SPAG17: variants seen among roughly 807,000 people sequenced by gnomAD.
SPAG17 encodes sperm associated antigen 17, also known as sperm-associated antigen 17.
A neutral mutation model predicts 273.6 loss-of-function variants in SPAG17; 169 were observed. The observed-to-expected ratio is 0.62, with a 90% CI of 0.55 to 0.70. The LOEUF is 0.70. Ranked by LOEUF, SPAG17 falls within the 30% of genes least tolerant of loss-of-function variation. SPAG17 has a pLI of 0.00. For synonymous variants in SPAG17, 825 were observed against 873.2 expected, an observed-to-expected ratio of 0.94 and a Z score of 0.97; for missense variants, 2,557 against 2,627.8, an observed-to-expected ratio of 0.97 and a Z score of 0.59.
intron 48 of SPAG17, 54 bp from the exon 49 acceptor site, chr1:117,954,103 A>G (rs1165671763): frequency 6.2e-7 from 1 of 1,610,010 alleles, no homozygotes; most frequent in Non-Finnish European, 8.5e-7. Flanking sequence ...GAAAGAGGTA[A>G]TAAGAGAGTA....
intron 7 of SPAG17, among the ~76,000 whole-genome samples, chr1:118,097,122 C>G (rs1655759145): frequency 2.6e-5 from 4 of 151,774 alleles, no homozygotes; most frequent in African/African-American, 9.7e-5. Context: ...GTAGTCCCAG[C>G]TACATGGGAG....
rs1201694108 is a variant in SPAG17 at position 118,013,818 on chromosome 1, C to G, written c.4288-1446G>C. 2.0e-5 allele frequency among the ~76,000 whole-genome samples: 3 copies of G among 152,052 alleles called. No homozygotes were observed. The East Asian group carries it at 5.8e-4, about 29-fold the overall frequency. ...CTTAGTGGTGGCAATAACACAGTAA[C>G]AAGGATATTTCTGAATGCCTGTTAG... is the stretch of plus-strand genomic sequence containing the variant. On this transcript the variant is annotated intron_variant, in intron 29 of 48. Coordinates refer to ENST00000336338, the MANE Select transcript of SPAG17 (RefSeq NM_206996.4).
At chr1:117,977,406 T>G (rs1465116514) in intron 43 of SPAG17, among the ~76,000 whole-genome samples, 1 of 152,244 alleles carries the variant, frequency 6.6e-6, no homozygotes, top group African/African-American at 2.4e-5. Context: ...ATTAAGAGTC[T>G]TAAAACTCAT....
intron 40 of SPAG17, among the ~76,000 whole-genome samples, chr1:117,987,012 C>A (rs549278494): frequency 1.3e-5 from 2 of 152,152 alleles, no homozygotes; most frequent in Non-Finnish European, 1.5e-5. Context: ...GAGCAACAGA[C>A]CTTGCTATAG....
At chr1:118,080,209 G>C (rs1654429465) in intron 15 of SPAG17, among the ~76,000 whole-genome samples, 1 of 152,128 alleles carries the variant, frequency 6.6e-6, no homozygotes, top group African/African-American at 2.4e-5. Context: ...TTCACCAGAA[G>C]TGTAGCTTAA....
intron 28 of SPAG17, among the ~76,000 whole-genome samples, chr1:118,020,675 A>G (rs1660414243): frequency 6.6e-6 from 1 of 152,180 alleles, no homozygotes; most frequent in Non-Finnish European, 1.5e-5. Flanking sequence ...GGAGATTTAA[A>G]CATCCTTTTG....
At position 117,987,824 on chromosome 1, in the gene SPAG17, G is replaced by A. The variant is rs536174234; in HGVS notation, c.5669+10C>T. The A allele has an allele frequency of 5.6e-6, 9 of 1,613,716 alleles. No homozygotes were observed. In the African/African-American group the frequency reaches 6.7e-5, roughly 12 times the overall value. On this transcript the variant is annotated intron_variant, in intron 40 of 48. Coordinates refer to ENST00000336338, the MANE Select transcript of SPAG17 (RefSeq NM_206996.4). ...TTCAGGTCCTTATGTGCGTTTTGGG[G>A]TATAATTACCTCGTTTTGTCTATCT...
chr1:118,042,020 C>G lies in SPAG17; in HGVS notation c.2837G>C (p.Arg946Pro). The G allele has an allele frequency of 1.2e-6, 2 of 1,612,204 alleles. No homozygotes were observed. The highest frequency in any genetic ancestry group is 1.7e-6 in the Non-Finnish European group (2 of 1,179,602). The part of the protein sequence containing the change: ...SLKAWKEEQH[R>P]LAEEERLREE... ...CCTTAAGCGCTCCTCTTCTGCTAAT[C>G]GATGTTGCTCTTCTTTCCATGCCTG... The change falls in exon 21 of 49, where the codon CGA (arginine) becomes CCA (proline). Residue 946 changes from arginine (R) to proline (P), a missense_variant. Transcript: ENST00000336338.
intron 40 of SPAG17, among the ~76,000 whole-genome samples, chr1:117,986,677 C>T (rs1656451061): frequency 6.6e-6 from 1 of 152,184 alleles, no homozygotes; most frequent in South Asian, 2.1e-4. Flanking sequence ...CAATCTCCTT[C>T]CTCTCAGGCA....
At chr1:118,006,870 G>A (rs962144055) in intron 31 of SPAG17, among the ~76,000 whole-genome samples, 5 of 152,190 alleles carry the variant, frequency 3.3e-5, no homozygotes, top group African/African-American at 9.7e-5. Context: ...TAATGATGTT[G>A]AGCATCTTTT....
At chr1:118,124,240 C>T (rs949188297) in intron 3 of SPAG17, among the ~76,000 whole-genome samples, 3 of 152,148 alleles carry the variant, frequency 2.0e-5, no homozygotes, top group African/African-American at 7.2e-5. Flanking sequence ...TTTCCTTAGT[C>T]TAAGATGCTC....
chr1:118,028,379 G>T lies in SPAG17; in HGVS notation c.3625C>A (p.Pro1209Thr). 1 of 1,613,664 alleles carries T rather than the reference G, an allele frequency of 6.2e-7. No homozygotes were observed. Among genetic ancestry groups the T allele is most frequent in the Non-Finnish European group, 8.5e-7 (1 of 1,179,768 alleles). ...AAAGTCTCTTGTAAAACAGGTTCTG[G>T]TTCTACTTCTTCTTCCTGTAAATAA... ...EEEKKEEEVE[P>T]EPVLQETLDV... The change falls in exon 26 of 49, where the codon CCA (proline) becomes ACA (threonine). Residue 1209 changes from proline to threonine, a missense_variant. Physicochemically the swap from Pro to Thr is conservative, Grantham distance 38 (BLOSUM62 -1). Transcript: ENST00000336338.
chr1:118,015,790 A>T (rs771783130), intron 29 of SPAG17, among the ~76,000 whole-genome samples, 175 bp downstream of exon 29: 6 of 152,190 alleles, frequency 3.9e-5, no homozygotes, highest in Non-Finnish European at 7.4e-5. Flanking sequence ...ATACACCACA[A>T]GATGTTTTTA....
intron 1 of SPAG17, among the ~76,000 whole-genome samples, chr1:118,157,992 G>C (rs1417465759): frequency 2.0e-5 from 3 of 152,074 alleles, no homozygotes; most frequent in Admixed American, 1.3e-4. Flanking sequence ...AAATCAATCA[G>C]AATATCAACA....
At chr1:118,014,272 A>G (rs1659752810) in intron 29 of SPAG17, among the ~76,000 whole-genome samples, 1 of 152,130 alleles carries the variant, frequency 6.6e-6, no homozygotes, top group South Asian at 2.1e-4. Context: ...TATCACTATT[A>G]TTGCTCTTAT....
At chr1:118,053,594 T>C (rs1395384142) in intron 20 of SPAG17, among the ~76,000 whole-genome samples, 2 of 151,980 alleles carry the variant, frequency 1.3e-5, no homozygotes, top group East Asian at 3.8e-4. Flanking sequence ...ATTTACATTA[T>C]ACTATATAAA....
At chr1:117,955,413 T>A in intron 48 of SPAG17, 1 of 1,507,082 alleles carries the variant, frequency 6.6e-7, no homozygotes. Context: ...ATTTATGAAG[T>A]GCTTATCTGA....
chr1:118,034,896 C>T (rs1648897980), intron 24 of SPAG17, among the ~76,000 whole-genome samples: 1 of 152,090 alleles, frequency 6.6e-6, no homozygotes, highest in African/African-American at 2.4e-5. Context: ...ATGACCTATT[C>T]CTCTTAGCAA....
At chr1:118,104,383 T>C (rs1174204988) in intron 4 of SPAG17, among the ~76,000 whole-genome samples, 1 of 152,184 alleles carries the variant, frequency 6.6e-6, no homozygotes, top group Non-Finnish European at 1.5e-5. Context: ...GGACAGAATA[T>C]TAACAGTGTT....
Sources: gnomAD v4.1 joint callset for allele counts (sites outside exome capture counted in the v4.1 genomes callset) on GRCh38, gnomAD v4.1.1 for gene constraint, MANE v1.5 for transcripts, NCBI Gene and HGNC (gene_info 2026-07-23, HGNC 2026-07-21) for gene names.